The following CTH variants were observed in gnomAD, a reference collection of about 807,000 sequenced individuals.
The protein encoded by CTH is cystathionine gamma-lyase.
In CTH, 41 loss-of-function variants were observed where a neutral mutation model predicts 50.6. That is an observed-to-expected ratio of 0.81 (90% confidence interval 0.63 to 1.05). The LOEUF is 1.05. Among genes scored for constraint, CTH ranks in the 50% least tolerant of loss-of-function variants. CTH has a pLI of 0.00. For synonymous variants in CTH, 156 were observed against 168.9 expected, an observed-to-expected ratio of 0.92 and a Z score of 0.59; for missense variants, 470 against 492.6, an observed-to-expected ratio of 0.95 and a Z score of 0.43.
chr1:70,412,525 A>G (rs1030130759), intron 1 of CTH, among the ~76,000 whole-genome samples: 3 of 152,212 alleles, frequency 2.0e-5, no homozygotes, highest in African/African-American at 7.2e-5. Flanking sequence ...GCTTGAACCC[A>G]GGAGGCAGAG....
chr1:70,433,692 A>T, intron 8 of CTH, 136 bp from the exon 9 acceptor site: 3 of 1,344,762 alleles, frequency 2.2e-6, no homozygotes, highest in Non-Finnish European at 2.1e-6. Context: ...CCAAGCAAGT[A>T]GTCAGATGTG....
chr1:70,434,022 T>C, intron 9 of CTH, 73 bp downstream of exon 9: 1 of 1,599,184 alleles, frequency 6.3e-7, no homozygotes, highest in East Asian at 2.3e-5. Flanking sequence ...TCACTTCTAC[T>C]CAAGCCAGAT....
chr1:70,415,813 G>C, intron 1 of CTH, 143 bp from the exon 2 acceptor site: 1 of 685,218 alleles, frequency 1.5e-6, no homozygotes, highest in Non-Finnish European at 2.7e-6. Flanking sequence ...CCACAGCACT[G>C]TTCTGCTTCT....
rs1468949358 is a variant in CTH, at chr1:70,430,433, AG to A, written c.724+40del. On this transcript the variant is annotated intron_variant, in intron 7 of 11. Coordinates refer to ENST00000370938, the MANE Select transcript of CTH (RefSeq NM_001902.6). ...AGTGCAGGTTCCCTATGACACTCTC[AG>A]TGACTACATTTGATATTTGTATTTC... 4.3e-6 allele frequency: 4 copies of A among 926,292 alleles called. No homozygotes were observed. The African/African-American group carries it at 6.5e-5, about 15-fold the overall frequency. The allele number at this position is 926,292 out of a possible 1,614,324, so 57.4% of individuals were successfully genotyped here. A position where few individuals can be genotyped will look rare whatever the true frequency, so the allele number is the denominator to read the frequency against.
chr1:70,430,598 G>A (rs1239364159), intron 7 of CTH, among the ~76,000 whole-genome samples: 1 of 151,394 alleles, frequency 6.6e-6, no homozygotes, highest in Admixed American at 6.6e-5. Flanking sequence ...CGGGAGTGAA[G>A]TGGCGTGATC....
chr1:70,411,688 G>A (rs1683968908), intron 1 of CTH, 105 bp downstream of exon 1: 1 of 1,490,468 alleles, frequency 6.7e-7, no homozygotes, highest in Non-Finnish European at 8.9e-7. Flanking sequence ...TTATAAATTA[G>A]GAAGGCAACC....
intron 5 of CTH, among the ~76,000 whole-genome samples, chr1:70,425,435 C>T (rs1289926047): frequency 3.3e-5 from 5 of 152,186 alleles, no homozygotes; most frequent in Non-Finnish European, 7.3e-5. Context: ...TAGATGGAGC[C>T]TTCTCGCTGT....
At chr1:70,416,512 C>A (rs1302162192) in intron 2 of CTH, among the ~76,000 whole-genome samples, 1 of 151,832 alleles carries the variant, frequency 6.6e-6, no homozygotes, top group African/African-American at 2.4e-5. Context: ...CCTGCCTCAG[C>A]CTCCTGAGTG....
chr1:70,411,514 C>A lies in CTH; in HGVS notation c.99C>A (p.Thr33=). ...TGGGCCAGGATCCAGAGCAATGGAC[C>A]TCCAGGGCTGTAGTGCCCCCCATCT... ...IHVGQDPEQW[T]SRAVVPPISL... Residue 33 remains threonine, a synonymous_variant, in exon 1 of 12, where the codon ACC becomes ACA. Transcript: ENST00000370938. 1 of 1,614,220 alleles carries A rather than the reference C, an allele frequency of 6.2e-7. No homozygotes were observed. The highest frequency in any genetic ancestry group is 8.5e-7 in the Non-Finnish European group (1 of 1,180,050).
At chr1:70,422,154 G>C (rs1004194554) in intron 4 of CTH, among the ~76,000 whole-genome samples, 2 of 152,170 alleles carry the variant, frequency 1.3e-5, no homozygotes, top group Admixed American at 6.6e-5. Flanking sequence ...TATAGAAAAA[G>C]AAGCCTGCCA....
At chr1:70,426,270 C>G (rs1351427974) in intron 5 of CTH, among the ~76,000 whole-genome samples, 11 of 152,180 alleles carry the variant, frequency 7.2e-5, no homozygotes, top group Admixed American at 7.2e-4. Flanking sequence ...TAACCCAACT[C>G]TTTCCTTTCC....
chr1:70,417,858 A>T, intron 2 of CTH, 79 bp from the exon 3 acceptor site: 1 of 1,508,266 alleles, frequency 6.6e-7, no homozygotes, highest in Non-Finnish European at 9.2e-7. Context: ...CATTAAAGTA[A>T]GTCAGGTAAA....
chr1:70,433,346 T>C (rs997467040), intron 8 of CTH, among the ~76,000 whole-genome samples: 1 of 152,180 alleles, frequency 6.6e-6, no homozygotes, highest in Non-Finnish European at 1.5e-5. Context: ...AGCTATGCCA[T>C]GAAGAATGGG....
chr1:70,424,754 C>G (rs915962067), intron 5 of CTH, among the ~76,000 whole-genome samples: 1 of 152,086 alleles, frequency 6.6e-6, no homozygotes, highest in African/African-American at 2.4e-5. Flanking sequence ...ATGGTGAAAC[C>G]CCGTCTCTAC....
At chr1:70,439,075 A>G (rs1376878726) in intron 11 of CTH, 26 bp from the exon 12 acceptor site, 3 of 1,605,316 alleles carry the variant, frequency 1.9e-6, no homozygotes, top group Non-Finnish European at 2.6e-6. Flanking sequence ...TTAATAACAT[A>G]TTTTTCTTGT....
At chr1:70,434,886 G>A (rs1684562713) in intron 9 of CTH, 2 of 356,024 alleles carry the variant, frequency 5.6e-6, no homozygotes, top group Admixed American at 3.9e-5. Context: ...CCAGGTAGCT[G>A]GGATTACAGG....
intron 1 of CTH, among the ~76,000 whole-genome samples, chr1:70,415,165 C>A (rs564738945): frequency 6.6e-6 from 1 of 152,030 alleles, no homozygotes; most frequent in East Asian, 1.9e-4. Flanking sequence ...CTTTGGGAGA[C>A]CAATGTGGGA....
intron 10 of CTH, among the ~76,000 whole-genome samples, chr1:70,437,722 C>G (rs1255380144): frequency 6.6e-6 from 1 of 152,116 alleles, no homozygotes; most frequent in Non-Finnish European, 1.5e-5. Context: ...GGAAGATATC[C>G]ATCACTCAGA....
intron 5 of CTH, among the ~76,000 whole-genome samples, chr1:70,427,015 G>T (rs1411906407): frequency 6.6e-6 from 1 of 152,030 alleles, no homozygotes; most frequent in Non-Finnish European, 1.5e-5. Flanking sequence ...CCAATGATTG[G>T]AATTTGCTTC....
Sources: gnomAD v4.1 joint callset for allele counts (sites outside exome capture counted in the v4.1 genomes callset) on GRCh38, gnomAD v4.1.1 for gene constraint, MANE v1.5 for transcripts, NCBI Gene and HGNC (gene_info 2026-07-23, HGNC 2026-07-21) for gene names.